The following EXOC2 variants were observed in gnomAD, a reference collection of about 807,000 sequenced individuals.
The protein encoded by EXOC2 is exocyst complex component 2, also known as SEC5-like 1.
A neutral mutation model predicts 131.8 loss-of-function variants in EXOC2; 70 were observed. The ratio of observed to expected loss-of-function variants is 0.53; its 90% CI spans 0.44 to 0.65. EXOC2 has a LOEUF of 0.65. Among genes scored for constraint, EXOC2 ranks in the 30% least tolerant of loss-of-function variants. The probability of loss-of-function intolerance (pLI) is 0.00; values close to 1 mark genes in which losing one functional copy is unlikely to be tolerated. For synonymous variants in EXOC2, 411 were observed against 398.4 expected (o/e 1.03, Z -0.38); for missense variants, 923 against 1,108.6 (o/e 0.83, Z 2.38).
At chr6:686,251 C>T (rs940642325) in intron 1 of EXOC2, among the ~76,000 whole-genome samples, 11 of 151,504 alleles carry the variant, frequency 7.3e-5, no homozygotes, top group South Asian at 2.1e-4. Flanking sequence ...TGTGAGCCGC[C>T]GCGCCCGGCC....
chr6:550,891 T>C (rs1581419041), intron 21 of EXOC2, among the ~76,000 whole-genome samples: 1 of 152,250 alleles, frequency 6.6e-6, no homozygotes, highest in Non-Finnish European at 1.5e-5. Context: ...CTAGCAGACC[T>C]GAGCCTGCCA....
intron 25 of EXOC2, 147 bp from the exon 26 acceptor site, chr6:491,333 T>A: frequency 1.4e-6 from 1 of 716,658 alleles, no homozygotes; most frequent in Non-Finnish European, 2.4e-6. Context: ...ATGAGTAGAG[T>A]TTCTAAAACA....
At chr6:490,243 T>C (rs566394144) in intron 26 of EXOC2, among the ~76,000 whole-genome samples, 1 of 152,224 alleles carries the variant, frequency 6.6e-6, no homozygotes, top group Admixed American at 6.5e-5. Context: ...CCTCTATAGA[T>C]GAGTACCTTA....
chr6:627,685 C>A (rs1761650677), intron 4 of EXOC2, among the ~76,000 whole-genome samples: 2 of 152,100 alleles, frequency 1.3e-5, no homozygotes, highest in Admixed American at 1.3e-4. Flanking sequence ...CCCCTCTGGA[C>A]TTTCCTTTGG....
intron 1 of EXOC2, among the ~76,000 whole-genome samples, chr6:683,415 C>A (rs574477556): frequency 1.3e-5 from 2 of 152,340 alleles, no homozygotes; most frequent in Admixed American, 1.3e-4. Flanking sequence ...AAAAGATATT[C>A]TCCTAAATTT....
chr6:528,679 T>TAA (rs1172684811), intron 23 of EXOC2, among the ~76,000 whole-genome samples: 2 of 147,138 alleles, frequency 1.4e-5, no homozygotes, highest in African/African-American at 5.0e-5. Flanking sequence ...GAAGCTATGT[T>TAA]AAAAAAAAAA....
intron 11 of EXOC2, among the ~76,000 whole-genome samples, chr6:589,004 C>CA (rs892814010): frequency 6.6e-6 from 1 of 152,102 alleles, no homozygotes; most frequent in African/African-American, 2.4e-5. Context: ...GGAATTTTTC[C>CA]AGTTTCAAAA....
intron 23 of EXOC2, among the ~76,000 whole-genome samples, chr6:516,886 G>A (rs1374159138): frequency 1.3e-5 from 2 of 152,148 alleles, no homozygotes. Context: ...TATGACAGAA[G>A]AAACACACAC....
At chr6:674,818 T>C (rs1235005905) in intron 1 of EXOC2, among the ~76,000 whole-genome samples, 1 of 152,082 alleles carries the variant, frequency 6.6e-6, no homozygotes, top group Admixed American at 6.6e-5. Context: ...GAGAACTGGC[T>C]AATTCCTAGA....
At chr6:536,751 A>G (rs1346003304) in intron 22 of EXOC2, among the ~76,000 whole-genome samples, 1 of 152,230 alleles carries the variant, frequency 6.6e-6, no homozygotes, top group Non-Finnish European at 1.5e-5. Flanking sequence ...AAAAATATTC[A>G]GGACATTGAA....
chr6:670,475 CTT>C (rs1164973087), intron 1 of EXOC2, among the ~76,000 whole-genome samples: 1 of 151,268 alleles, frequency 6.6e-6, no homozygotes, highest in South Asian at 2.1e-4. Flanking sequence ...CTGAAGAACT[CTT>C]TACTTTTTTT....
At chr6:590,352 T>C (rs921890604) in intron 11 of EXOC2, among the ~76,000 whole-genome samples, 3 of 151,828 alleles carry the variant, frequency 2.0e-5, no homozygotes, top group African/African-American at 7.2e-5. Context: ...TCAGCAGAGA[T>C]ACCTGGGTTT....
chr6:583,017 T>C (rs1758999290), intron 11 of EXOC2, among the ~76,000 whole-genome samples: 2 of 152,188 alleles, frequency 1.3e-5, no homozygotes, highest in Non-Finnish European at 1.5e-5. Context: ...TAGCTACCAT[T>C]GGCCAGTTAT....
chr6:493,164 T>G (rs1419460883), intron 25 of EXOC2, among the ~76,000 whole-genome samples: 2 of 152,216 alleles, frequency 1.3e-5, no homozygotes, highest in Non-Finnish European at 2.9e-5. Context: ...CTTCACAGTT[T>G]ATTAGAAATT....
In EXOC2 at chr6:607,970, T is replaced by C. The variant is rs9504430; in HGVS notation, c.742+2128A>G. On this transcript the variant is annotated intron_variant, in intron 7 of 27. Coordinates refer to ENST00000230449, the MANE Select transcript of EXOC2 (RefSeq NM_018303.6). ...AAACTTAGCTTAAAAGTCAGAAAGA[T>C]TGCCCAATTTAAAAAAAAATCTTTT... Among the ~76,000 whole-genome samples, 781 of 152,262 alleles carry C rather than the reference T, an allele frequency of 5.1e-3. 5 individuals carry two copies. The highest frequency in any genetic ancestry group is 0.017 in the African/African-American group (716 of 41,538).
chr6:656,928 T>C (rs773855113), intron 1 of EXOC2: 1 of 1,527,652 alleles, frequency 6.5e-7, no homozygotes, highest in Non-Finnish European at 8.8e-7. Context: ...GCCGGTGATC[T>C]TGGCGCGAAA....
chr6:513,409 G>A (rs1008719455), intron 23 of EXOC2, among the ~76,000 whole-genome samples: 2 of 152,358 alleles, frequency 1.3e-5, no homozygotes, highest in Middle Eastern at 6.8e-3. Flanking sequence ...AAAATGAGAA[G>A]AAACGAAAGT....
chr6:497,574 CAAAAG>C (rs1441539626), intron 24 of EXOC2, 85 bp from the exon 25 acceptor site: 6 of 1,471,298 alleles, frequency 4.1e-6, no homozygotes, highest in Non-Finnish European at 4.5e-6. Context: ...CAAAACAAAA[CAAAAG>C]AAAATCAACA....
At chr6:495,454 C>T (rs555601715) in intron 25 of EXOC2, among the ~76,000 whole-genome samples, 35 of 152,266 alleles carry the variant, frequency 2.3e-4, no homozygotes, top group African/African-American at 7.2e-4. Context: ...TTTTGTGTCT[C>T]GAACCCATGG....
Sources: gnomAD v4.1 joint callset for allele counts (sites outside exome capture counted in the v4.1 genomes callset) on GRCh38, gnomAD v4.1.1 for gene constraint, MANE v1.5 for transcripts, NCBI Gene and HGNC (gene_info 2026-07-23, HGNC 2026-07-21) for gene names.